The following ARHGAP35 variants were observed in gnomAD, a reference collection of about 807,000 sequenced individuals.
The protein encoded by ARHGAP35 is rho GTPase-activating protein 35.
Under a neutral mutation model 111.1 loss-of-function variants are expected in ARHGAP35, and 15 were observed. That is an observed-to-expected ratio of 0.13 (90% CI 0.09 to 0.21). The LOEUF is 0.21. ARHGAP35 is among the 10% of genes least tolerant of loss of function. The probability of loss-of-function intolerance (pLI) is 1.00; values close to 1 mark genes in which losing one functional copy is unlikely to be tolerated. For synonymous variants in ARHGAP35, 643 were observed against 710.3 expected (o/e 0.91, Z 1.51); for missense variants, 1,262 against 1,873.0 (o/e 0.67, Z 6.02).
rs986814947 is a variant in ARHGAP35 at position 46,990,037 on chromosome 19, G to A, written c.4036+362G>A. Among the ~76,000 whole-genome samples the A allele has an allele frequency of 7.9e-5, 12 of 152,148 alleles. 1 individual carries two copies. Among genetic ancestry groups the A allele is most frequent in the Admixed American group, 6.5e-4 (10 of 15,280 alleles). ...TACTCCTGCGGATGAAATTCTATTC[G>A]GAAAGGCCTAGAAGTGAGGCTGTGA... is the stretch of plus-strand genomic sequence containing the variant. On this transcript the variant is annotated intron_variant, in intron 5 of 6. Transcript: ENST00000672722.
Position 46,919,679 on chromosome 19 carries a change from G to A in ARHGAP35, c.1004G>A (p.Arg335His), listed in dbSNP as rs371009366. The A allele has an allele frequency of 8.4e-5, 136 of 1,613,850 alleles. No individual in the cohort carries two copies. The highest frequency in any genetic ancestry group is 4.9e-4 in the Middle Eastern group (3 of 6,082). Residue 335 changes from arginine (R) to histidine (H), a missense_variant, in exon 2 of 7, where the codon CGT (arginine) becomes CAT (histidine). This residue lies in a region of ARHGAP35 where 328 missense variants were observed against 440.8 expected (regional missense o/e 0.74). Coordinates refer to ENST00000672722, the MANE Select transcript of ARHGAP35 (RefSeq NM_004491.5). The surrounding 1 kb of genome is among the most constrained non-coding windows in gnomAD (Gnocchi z 6.2). ...CGCCTCAAGCATGAGCATATCGAGCGTAGGAGAAAGCTGTACCTGGCAGCC... is the reference window on the plus strand; with the variant it reads ...CGCCTCAAGCATGAGCATATCGAGCATAGGAGAAAGCTGTACCTGGCAGCC... ...IHRLKHEHIE[R>H]RRKLYLAALP...
intron 1 of ARHGAP35, among the ~76,000 whole-genome samples, chr19:46,899,398 C>T (rs552853582): frequency 2.8e-4 from 43 of 152,232 alleles, no homozygotes; most frequent in African/African-American, 8.9e-4. Context: ...TAAAAGCTGT[C>T]TTACAATTAA....
intron 3 of ARHGAP35, among the ~76,000 whole-genome samples, chr19:46,938,358 T>C (rs1455784381): frequency 6.6e-6 from 1 of 152,122 alleles, no homozygotes; most frequent in Non-Finnish European, 1.5e-5. Flanking sequence ...TTTTTATTTT[T>C]ATTTTTATTT....
At chr19:46,951,705 T>C (rs1173676508) in intron 3 of ARHGAP35, among the ~76,000 whole-genome samples, 3 of 152,166 alleles carry the variant, frequency 2.0e-5, no homozygotes, top group Non-Finnish European at 2.9e-5. Flanking sequence ...TGAAATGATC[T>C]AAGATGCATC....
At chr19:46,897,695 CAA>C (rs11434545) in intron 1 of ARHGAP35, among the ~76,000 whole-genome samples, 37 of 133,640 alleles carry the variant, frequency 2.8e-4, no homozygotes, top group Non-Finnish European at 3.3e-4. Flanking sequence ...GATCTTTAAC[CAA>C]AAAAAAAAAA....
Position 46,989,774 on chromosome 19 carries a change from C to T in ARHGAP35, c.4036+99C>T. On this transcript the variant is annotated intron_variant, in intron 5 of 6. Coordinates refer to ENST00000672722, the MANE Select transcript of ARHGAP35 (RefSeq NM_004491.5). The surrounding 1 kb of genome is among the most constrained non-coding windows in gnomAD (Gnocchi z 5.3). ...TCAGAATGGATGCTGGCTGTTAGAG[C>T]TGAGGTTTGAAGGACAGAGGGCAAG... The T allele has an allele frequency of 2.6e-6, 4 of 1,565,580 alleles. No homozygotes were observed. Among genetic ancestry groups the T allele is most frequent in the Non-Finnish European group, 3.5e-6 (4 of 1,152,542 alleles).
At chr19:46,868,134 C>T (rs1415770731) in intron 1 of ARHGAP35, among the ~76,000 whole-genome samples, 1 of 152,212 alleles carries the variant, frequency 6.6e-6, no homozygotes, top group Non-Finnish European at 1.5e-5. Context: ...TCCCAAAGTG[C>T]TGGGATTACA....
chr19:46,922,263 G>A lies in ARHGAP35; in HGVS notation c.3588G>A (p.Gln1196=). 1 of 1,614,004 alleles carries A rather than the reference G, an allele frequency of 6.2e-7. No individual in the cohort carries two copies. ...IRKKEEDQAS[Q]GYKGDNAVIP... ...AGAAAGAGGAGGATCAGGCATCCCA[G>A]GGTTATAAAGGGGACAATGCTGTCA... is the stretch of plus-strand genomic sequence containing the variant. The change falls in exon 2 of 7, where the codon CAG becomes CAA. Residue 1196 remains glutamine, a synonymous_variant. Transcript: ENST00000672722. The surrounding 1 kb of genome is among the most constrained non-coding windows in gnomAD (Gnocchi z 4.0).
Position 47,004,882 on chromosome 19 carries a change from A to T in ARHGAP35, c.*4194A>T, listed in dbSNP as rs940744782. ...CACATCGTGGGTTTTTTGAGGCTCCAACCTGATTAGTGCATGGTCAGCCCT... is the reference window on the plus strand; with the variant it reads ...CACATCGTGGGTTTTTTGAGGCTCCTACCTGATTAGTGCATGGTCAGCCCT... On this transcript the variant is annotated 3_prime_UTR_variant, in exon 7 of 7. Transcript: ENST00000672722. The T allele has an allele frequency of 6.6e-6, 1 of 152,194 alleles. No individual in the cohort carries two copies. Among genetic ancestry groups the T allele is most frequent in the Admixed American group, 6.5e-5 (1 of 15,282 alleles). The allele number at this position is 152,194 out of a possible 1,614,324, so 9.4% of individuals were successfully genotyped here.
intron 3 of ARHGAP35, among the ~76,000 whole-genome samples, chr19:46,983,739 G>A (rs577420522): frequency 2.0e-5 from 3 of 146,400 alleles, no homozygotes; most frequent in South Asian, 2.2e-4. Flanking sequence ...TCAGCCTCCC[G>A]AGTAGCTGGG....
chr19:46,978,821 GTTTGTGTGGTGGGGGA>G (rs1280401363), intron 3 of ARHGAP35, among the ~76,000 whole-genome samples: 14 of 128,508 alleles, frequency 1.1e-4, no homozygotes, highest in East Asian at 7.4e-4. Context: ...GTGGTAGGGG[GTTTGTGTGGTGGGGGA>G]TTTGTGTGGT....
At chr19:46,913,037 G>A (rs1236540800) in intron 1 of ARHGAP35, among the ~76,000 whole-genome samples, 1 of 151,682 alleles carries the variant, frequency 6.6e-6, no homozygotes, top group African/African-American at 2.4e-5. Flanking sequence ...TTTGCTTGTA[G>A]TTCTGTATGA....
rs1055279163 is a variant in ARHGAP35 at position 47,001,737 on chromosome 19, GGTGTGTGTGCACATGTGAGTGTGAGT to G, written c.*1057_*1082del. On this transcript the variant is annotated 3_prime_UTR_variant, in exon 7 of 7. Coordinates refer to ENST00000672722, the MANE Select transcript of ARHGAP35 (RefSeq NM_004491.5). This position sits in a 1 kb window ranked among gnomAD's most constrained non-coding sequence, Gnocchi z 5.4. ...TAATTGAGCATGTGCGTGGGGTGGG[GGTGTGTGTGCACATGTGAGTGTGAGT>G]GTGTGTGGGCGCTTGGTGGGGGGTT... The G allele has an allele frequency of 7.3e-5, 23 of 313,852 alleles. No homozygotes were observed. The highest frequency in any genetic ancestry group is 4.9e-4 in the South Asian group (17 of 34,850). 19.4% of individuals were successfully genotyped at this position (313,852 alleles called of 1,614,324 possible).
chr19:46,974,428 T>C (rs976998418), intron 3 of ARHGAP35, among the ~76,000 whole-genome samples: 4 of 152,202 alleles, frequency 2.6e-5, no homozygotes, highest in African/African-American at 9.6e-5. Context: ...TTTGCTAAGA[T>C]GACTCACAGA....
intron 1 of ARHGAP35, among the ~76,000 whole-genome samples, chr19:46,869,142 T>A (rs759145984): frequency 1.3e-5 from 2 of 152,052 alleles, no homozygotes; most frequent in Non-Finnish European, 2.9e-5. Context: ...CCTGACCTCA[T>A]GTGATCCACC....
intron 1 of ARHGAP35, among the ~76,000 whole-genome samples, chr19:46,890,396 A>G (rs968026490): frequency 6.6e-6 from 1 of 152,194 alleles, no homozygotes; most frequent in African/African-American, 2.4e-5. Flanking sequence ...TTTGTCATGT[A>G]TTTATATGCT....
chr19:46,869,517 T>TTG (rs1165638839), intron 1 of ARHGAP35, among the ~76,000 whole-genome samples: 1 of 150,390 alleles, frequency 6.6e-6, no homozygotes, highest in Non-Finnish European at 1.5e-5. Context: ...TGTATTTGCA[T>TTG]TGTGTGTGTG....
Position 46,961,000 on chromosome 19 carries a change from T to C in ARHGAP35, c.3826+23592T>C, listed in dbSNP as rs185835223. On this transcript the variant is annotated intron_variant, in intron 3 of 6. Coordinates refer to ENST00000672722, the MANE Select transcript of ARHGAP35 (RefSeq NM_004491.5). ...ACCTCCACCTCCCGAGTTCAAGCGATTCTCCTGCCCCAGCCTCCTGAGTAG... is the reference window on the plus strand; with the variant it reads ...ACCTCCACCTCCCGAGTTCAAGCGACTCTCCTGCCCCAGCCTCCTGAGTAG... 1.7e-3 allele frequency among the ~76,000 whole-genome samples: 263 copies of C among 152,014 alleles called. 1 individual carries two copies. The highest frequency in any genetic ancestry group is 0.017 in the Middle Eastern group (5 of 294).
chr19:46,933,587 C>G (rs567830726), intron 2 of ARHGAP35, among the ~76,000 whole-genome samples: 9 of 152,176 alleles, frequency 5.9e-5, no homozygotes, highest in Non-Finnish European at 1.3e-4. Context: ...GTTACTTTTT[C>G]TAGGAGTTGG....
Sources: gnomAD v4.1 joint callset for allele counts (sites outside exome capture counted in the v4.1 genomes callset) on GRCh38, gnomAD v4.1.1 for gene constraint, gnomAD v4.1.1 regional missense constraint, Gnocchi (gnomAD v3.1) non-coding constraint, MANE v1.5 for transcripts, NCBI Gene and HGNC (gene_info 2026-07-23, HGNC 2026-07-21) for gene names.